Variants in AGBL1 observed in about 807,000 individuals in gnomAD.
The protein encoded by AGBL1 is cytosolic carboxypeptidase 4.
AGBL1 carries 130 observed loss-of-function variants against 118.9 expected under a neutral mutation model. That is an observed-to-expected ratio of 1.09 (90% CI 0.95 to 1.26). AGBL1 has a LOEUF of 1.26. AGBL1 is among the 50% of genes most tolerant of loss of function. The pLI is 0.00. For synonymous variants in AGBL1, 555 were observed against 478.9 expected, an observed-to-expected ratio of 1.16 and a Z score of -2.08; for missense variants, 1,584 against 1,298.1, an observed-to-expected ratio of 1.22 and a Z score of -3.38.
chr15:86,379,256 A>T (rs986647399), intron 17 of AGBL1, among the ~76,000 whole-genome samples: 1 of 148,064 alleles, frequency 6.8e-6, no homozygotes, highest in African/African-American at 2.5e-5. Flanking sequence ...TACCTGAAAA[A>T]ACCCTTGTTC....
At chr15:86,479,785 C>T (rs1320577437) in intron 18 of AGBL1, among the ~76,000 whole-genome samples, 1 of 152,106 alleles carries the variant, frequency 6.6e-6, no homozygotes, top group Non-Finnish European at 1.5e-5. Context: ...CACATGCACA[C>T]GTATGTTTAT....
intron 22 of AGBL1, among the ~76,000 whole-genome samples, chr15:86,769,056 G>C (rs188435108): frequency 0.041 from 6,215 of 151,932 alleles, 300 homozygotes; most frequent in African/African-American, 0.1. Flanking sequence ...TATTGCATCA[G>C]TTGCCAGTGT....
chr15:86,391,876 C>T (rs2081293314), intron 17 of AGBL1, among the ~76,000 whole-genome samples: 1 of 151,932 alleles, frequency 6.6e-6, no homozygotes, highest in Non-Finnish European at 1.5e-5. Context: ...TCTACTTAGG[C>T]CATTTCTACT....
chr15:86,796,927 G>T (rs1596489431), intron 22 of AGBL1, among the ~76,000 whole-genome samples: 1 of 152,226 alleles, frequency 6.6e-6, no homozygotes, highest in Admixed American at 6.5e-5. Flanking sequence ...AGAATGAACT[G>T]TCCAGGGCTG....
At chr15:86,448,004 G>T (rs1363975908) in intron 18 of AGBL1, among the ~76,000 whole-genome samples, 1 of 152,038 alleles carries the variant, frequency 6.6e-6, no homozygotes, top group Non-Finnish European at 1.5e-5. Context: ...AACTAGCCGG[G>T]GGTGGTGGCA....
intron 18 of AGBL1, among the ~76,000 whole-genome samples, chr15:86,502,667 C>G (rs2082931272): frequency 6.7e-6 from 1 of 149,924 alleles, no homozygotes; most frequent in African/African-American, 2.4e-5. Flanking sequence ...TTCAGTAGCT[C>G]TTGAGATGAT....
intron 22 of AGBL1, among the ~76,000 whole-genome samples, chr15:86,784,376 T>C (rs150861453): frequency 6.6e-6 from 1 of 152,276 alleles, no homozygotes; most frequent in African/African-American, 2.4e-5. Flanking sequence ...ATTCCAGAAA[T>C]AATAGCCAAC....
At chr15:86,904,223 T>G (rs1007629788) in intron 22 of AGBL1, among the ~76,000 whole-genome samples, 6 of 152,192 alleles carry the variant, frequency 3.9e-5, no homozygotes, top group African/African-American at 1.2e-4. Flanking sequence ...ATCTAGAGTA[T>G]GTGAGGCCCA....
intron 21 of AGBL1, among the ~76,000 whole-genome samples, chr15:86,651,361 A>C (rs1394954059): frequency 6.6e-6 from 1 of 152,206 alleles, no homozygotes; most frequent in Non-Finnish European, 1.5e-5. Flanking sequence ...TGCTGAAAGG[A>C]AAGAACACTT....
chr15:86,616,339 C>CAAAAAAAAAAAAAAAAAAAAAA (rs199936794), intron 21 of AGBL1, among the ~76,000 whole-genome samples: 5 of 49,252 alleles, frequency 1.0e-4, no homozygotes, highest in African/African-American at 3.6e-4. Context: ...TCCTCCACTT[C>CAAAAAAAAAAAAAAAAAAAAAA]AAAAAAAAAA....
At chr15:86,413,013 A>T (rs1260370132) in intron 18 of AGBL1, among the ~76,000 whole-genome samples, 1 of 152,194 alleles carries the variant, frequency 6.6e-6, no homozygotes, top group Admixed American at 6.6e-5. Flanking sequence ...GTATTTGGAT[A>T]AAAAGAATAT....
At chr15:86,096,031 A>G (rs896626189) in intron 1 of AGBL1, among the ~76,000 whole-genome samples, 1 of 152,048 alleles carries the variant, frequency 6.6e-6, no homozygotes, top group Non-Finnish European at 1.5e-5. Flanking sequence ...TTGTTTACTT[A>G]ACATTATTCC....
intron 5 of AGBL1, 64 bp downstream of exon 5, chr15:86,159,090 A>G (rs1248252205): frequency 6.8e-7 from 1 of 1,465,040 alleles, no homozygotes; most frequent in Non-Finnish European, 9.6e-7. Context: ...AGATTGCCCT[A>G]CATGTATTTT....
chr15:86,236,542 T>C (rs1195063977), intron 6 of AGBL1, among the ~76,000 whole-genome samples: 1 of 151,960 alleles, frequency 6.6e-6, no homozygotes, highest in Admixed American at 6.6e-5. Flanking sequence ...TGCACACGGC[T>C]CAAGGTTCTG....
intron 15 of AGBL1, 43 bp from the exon 16 acceptor site, chr15:86,279,596 C>T (rs1378586133): frequency 6.3e-7 from 1 of 1,593,454 alleles, no homozygotes; most frequent in Non-Finnish European, 8.6e-7. Context: ...ACCCCCCTCC[C>T]ACCTCTCCCT....
chr15:86,978,194 T>G (rs28661735), intron 23 of AGBL1, among the ~76,000 whole-genome samples: 3,234 of 152,206 alleles, frequency 0.021, 113 homozygotes, highest in African/African-American at 0.074. Context: ...AGGTTGAAAT[T>G]TTCATATCTG....
chr15:86,799,165 A>C (rs2078615150), intron 22 of AGBL1, among the ~76,000 whole-genome samples: 1 of 151,202 alleles, frequency 6.6e-6, no homozygotes, highest in South Asian at 2.1e-4. Flanking sequence ...ATTTTATTTT[A>C]TTTTACTTTA....
chr15:86,319,665 C>A (rs552598310), intron 17 of AGBL1, among the ~76,000 whole-genome samples: 225 of 146,234 alleles, frequency 1.5e-3, no homozygotes, highest in Admixed American at 2.2e-3. Flanking sequence ...ATGTTACTAG[C>A]TTTATGTCAC....
chr15:86,423,196 T>C (rs2081816095), intron 18 of AGBL1, among the ~76,000 whole-genome samples: 1 of 152,206 alleles, frequency 6.6e-6, no homozygotes, highest in South Asian at 2.1e-4. Context: ...AATAAAACAC[T>C]GGCAAACTGA....
Sources: allele counts gnomAD v4.1 joint callset (sites outside exome capture counted in the v4.1 genomes callset), GRCh38; gene constraint gnomAD v4.1.1; transcripts MANE v1.5; gene names NCBI Gene and HGNC (gene_info 2026-07-23, HGNC 2026-07-21).